NUB1: variants seen among roughly 807,000 people sequenced by gnomAD.
NUB1 encodes the protein NEDD8 ultimate buster 1.
In NUB1, 41 loss-of-function variants were observed where a neutral mutation model predicts 77.1. The observed-to-expected ratio is 0.53, with a 90% CI of 0.41 to 0.69. NUB1 has a LOEUF of 0.69. Ranked by LOEUF, NUB1 falls within the 30% of genes least tolerant of loss-of-function variation. The pLI is 0.00. For synonymous variants in NUB1, 257 were observed against 281.0 expected (o/e 0.91, Z 0.85); for missense variants, 643 against 743.8 (o/e 0.86, Z 1.58).
At chr7:151,376,477 G>A (rs1250622962) in intron 13 of NUB1, 157 bp from the exon 14 acceptor site, 2 of 706,994 alleles carry the variant, frequency 2.8e-6, no homozygotes, top group African/African-American at 1.8e-5. Flanking sequence ...GTTGCTCTAC[G>A]CTCACATTGC....
chr7:151,368,728 T>C lies in NUB1; in HGVS notation c.1096-7T>C, dbSNP rs1308315173. 6.3e-7 allele frequency: 1 copy of C among 1,596,110 alleles called. No homozygotes were observed. Among genetic ancestry groups the C allele is most frequent in the Non-Finnish European group, 8.5e-7 (1 of 1,171,344 alleles). ...GTTACATGATTCTTACATTTCCCTG[T>C]CTCTAGGCACGTCAGCTCTTTAAAG... On this transcript the variant is annotated splice_region_variant and splice_polypyrimidine_tract_variant and intron_variant, in intron 10 of 14. Coordinates refer to ENST00000568733, the MANE Select transcript of NUB1 (RefSeq NM_001243351.2).
Position 151,354,805 on chromosome 7 carries a change from C to T in NUB1, c.416-963C>T, listed in dbSNP as rs541645146. Among the ~76,000 whole-genome samples, 3 of 152,270 alleles carry T rather than the reference C, an allele frequency of 2.0e-5. No individual in the cohort carries two copies. In the East Asian group the frequency reaches 5.8e-4, roughly 29 times the overall value. The stretch of plus-strand genomic sequence containing the variant: ...GTCACCCAGGCTGGAGTGTGGTGTG[C>T]GATTGCAGCTCACTGCAGCCTCCAC... On this transcript the variant is annotated intron_variant, in intron 5 of 14. Coordinates refer to ENST00000568733, the MANE Select transcript of NUB1 (RefSeq NM_001243351.2).
rs770271564 is a variant in NUB1 at position 151,352,811 on chromosome 7, G to A, written c.345-1G>A. On this transcript the variant is annotated splice_acceptor_variant, in intron 4 of 14. Coordinates refer to ENST00000568733, the MANE Select transcript of NUB1 (RefSeq NM_001243351.2). LOFTEE classifies it high-confidence loss of function. Reference sequence around the variant, plus strand: ...CAATTTTCACTGGTTTTATTTTACAGAATAGCTGAAACCTTTGGACTTCAA... The same window carrying A: ...CAATTTTCACTGGTTTTATTTTACAAAATAGCTGAAACCTTTGGACTTCAA... 6.6e-7 allele frequency: 1 copy of A among 1,520,528 alleles called. No individual in the cohort carries two copies. The highest frequency in any genetic ancestry group is 2.3e-5 in the East Asian group (1 of 44,216). 94.2% of individuals were successfully genotyped at this position (1,520,528 alleles called of 1,614,324 possible). A position where few individuals can be genotyped will look rare whatever the true frequency, so the allele number is the denominator to read the frequency against.
In NUB1 at chr7:151,368,817, C is replaced by A; in HGVS notation, c.1178C>A (p.Ala393Asp). 6.2e-7 allele frequency: 1 copy of A among 1,614,026 alleles called. No homozygotes were observed. The highest frequency in any genetic ancestry group is 1.3e-5 in the African/African-American group (1 of 75,060). ...CAGTTGGGGTTTACTGCCCAGGAAG[C>A]CCGGCTTGGCCTGAGGGCGTGTGAT... ...LLQLGFTAQEARLGLRACDGN... is the reference protein window; with the variant it reads ...LLQLGFTAQEDRLGLRACDGN... The change falls in exon 11 of 15, where the codon GCC (alanine) becomes GAC (aspartate). Residue 393 changes from alanine to aspartate, a missense_variant. Coordinates refer to ENST00000568733, the MANE Select transcript of NUB1 (RefSeq NM_001243351.2).
At chr7:151,363,453 T>TAAA (rs34455667) in intron 8 of NUB1, among the ~76,000 whole-genome samples, 64 of 140,600 alleles carry the variant, frequency 4.6e-4, no homozygotes, top group African/African-American at 1.4e-3. Context: ...GAGAAAAGGC[T>TAAA]AAAAAAAAAA....
At chr7:151,370,693 C>G (rs1797915987) in intron 11 of NUB1, among the ~76,000 whole-genome samples, 1 of 128,078 alleles carries the variant, frequency 7.8e-6, no homozygotes, top group African/African-American at 3.0e-5. Context: ...TCCCTCCCCC[C>G]TCCCCCCACC....
intron 12 of NUB1, among the ~76,000 whole-genome samples, chr7:151,375,042 G>T (rs1474500659): frequency 6.6e-6 from 1 of 150,438 alleles, no homozygotes; most frequent in Non-Finnish European, 1.5e-5. Flanking sequence ...ACAGAGATGG[G>T]GTTGGAGGGG....
chr7:151,348,996 G>A, intron 2 of NUB1, 77 bp from the exon 3 acceptor site: 1 of 1,351,014 alleles, frequency 7.4e-7, no homozygotes, highest in South Asian at 1.3e-5. Flanking sequence ...GATGGCCTTA[G>A]AGTCTTTCAT....
chr7:151,375,525 G>A (rs1002299181), intron 12 of NUB1, among the ~76,000 whole-genome samples: 1 of 152,208 alleles, frequency 6.6e-6, no homozygotes, highest in Non-Finnish European at 1.5e-5. Flanking sequence ...CAATCAGGCA[G>A]CCCTGAGCTG....
chr7:151,371,595 A>G (rs1797961370), intron 11 of NUB1, among the ~76,000 whole-genome samples: 1 of 152,104 alleles, frequency 6.6e-6, no homozygotes, highest in Non-Finnish European at 1.5e-5. Flanking sequence ...CACCTCAGGG[A>G]GGGGTAGAAT....
chr7:151,367,207 C>A, intron 9 of NUB1, 82 bp downstream of exon 9: 1 of 1,130,464 alleles, frequency 8.8e-7, no homozygotes, highest in Non-Finnish European at 1.3e-6. Flanking sequence ...ATTTGAACTA[C>A]TGCCAGAAGG....
At position 151,356,150 on chromosome 7, in the gene NUB1, A is replaced by G; in HGVS notation, c.621A>G (p.Pro207=). The change falls in exon 7 of 15, where the codon CCA becomes CCG. Residue 207 remains proline (P), a synonymous_variant. Coordinates refer to ENST00000568733, the MANE Select transcript of NUB1 (RefSeq NM_001243351.2). The stretch of plus-strand genomic sequence containing the variant: ...CAGCAGCAGAGACAGTGGTGGATCC[A>G]GAAATGACACCGTACTTAGACATAG... ...AKRAAETVVD[P]EMTPYLDIAN... 1 of 1,613,938 alleles carries G rather than the reference A, an allele frequency of 6.2e-7. No homozygotes were observed. Among genetic ancestry groups the G allele is most frequent in the Non-Finnish European group, 8.5e-7 (1 of 1,179,796 alleles).
rs750067194 is a variant in NUB1 at position 151,377,682 on chromosome 7, A to G, written c.*457A>G. 1.3e-5 allele frequency: 2 copies of G among 152,682 alleles called. No individual in the cohort carries two copies. The highest frequency in any genetic ancestry group is 2.4e-5 in the African/African-American group (1 of 41,424). 9.5% of individuals were successfully genotyped at this position (152,682 alleles called of 1,614,324 possible). ...GCTGCCATCTCTGCCAGGGTGCCAC[A>G]TGGGTTCCTGTGCCACCCTTTCCCC... On this transcript the variant is annotated 3_prime_UTR_variant, in exon 15 of 15. Transcript: ENST00000568733.
At chr7:151,360,275 C>G in intron 8 of NUB1, 28 bp downstream of exon 8, 1 of 1,276,436 alleles carries the variant, frequency 7.8e-7, no homozygotes, top group South Asian at 1.2e-5. Flanking sequence ...TGGTGAACAC[C>G]AGCTTTAAGG....
intron 12 of NUB1, chr7:151,374,487 C>G (rs1224496030): frequency 5.0e-6 from 3 of 597,178 alleles, no homozygotes; most frequent in Non-Finnish European, 9.0e-6. Flanking sequence ...CACACCAGCA[C>G]AGTCCACAGG....
At chr7:151,361,166 A>G (rs1797364181) in intron 8 of NUB1, 1 of 152,196 alleles carries the variant, frequency 6.6e-6, no homozygotes, top group Admixed American at 6.5e-5. Context: ...TTTGTATAGG[A>G]AAGTTAGAAT....
In NUB1 at chr7:151,374,254, C is replaced by T. The variant is rs1798100914; in HGVS notation, c.1395+11C>T. On this transcript the variant is annotated intron_variant, in intron 12 of 14. Coordinates refer to ENST00000568733, the MANE Select transcript of NUB1 (RefSeq NM_001243351.2). Reference sequence around the variant, plus strand: ...GATGAGGCCCTGAAGGTAGCAGCTCCCTCGGGGCCTCTGGCCTTGTCCCTG... The same window carrying T: ...GATGAGGCCCTGAAGGTAGCAGCTCTCTCGGGGCCTCTGGCCTTGTCCCTG... The T allele has an allele frequency of 3.2e-6, 5 of 1,551,696 alleles. No homozygotes were observed. The highest frequency in any genetic ancestry group is 4.4e-6 in the Non-Finnish European group (5 of 1,147,362).
At position 151,345,437 on chromosome 7, in the gene NUB1, G is replaced by T; in HGVS notation, c.88G>T (p.Glu30Ter). 1 of 1,602,890 alleles carries T rather than the reference G, an allele frequency of 6.2e-7. No homozygotes were observed. The highest frequency in any genetic ancestry group is 8.5e-7 in the Non-Finnish European group (1 of 1,175,390). The change falls in exon 2 of 15, where the codon GAA (glutamate) becomes TAA (stop). Residue 30 changes from glutamate to a stop codon, truncating the protein, a stop_gained. Coordinates refer to ENST00000568733, the MANE Select transcript of NUB1 (RefSeq NM_001243351.2). LOFTEE classifies it high-confidence loss of function. ...ACTTTGGAAACCTCCATATACAGATGAAAATAAAAAAGTTGGTTTGGCATT... is the reference window on the plus strand; with the variant it reads ...ACTTTGGAAACCTCCATATACAGATTAAAATAAAAAAGTTGGTTTGGCATT... Reference protein sequence around the residue: ...IQLWKPPYTDENKKVGLALKD... With the variant: ...IQLWKPPYTD
intron 1 of NUB1, among the ~76,000 whole-genome samples, chr7:151,343,967 G>C (rs544001575): frequency 4.0e-5 from 6 of 151,794 alleles, no homozygotes; most frequent in Non-Finnish European, 5.9e-5. Flanking sequence ...GGATCACAAG[G>C]TCAGGAGATT....
Sources: allele counts gnomAD v4.1 joint callset (sites outside exome capture counted in the v4.1 genomes callset), GRCh38; gene constraint gnomAD v4.1.1; transcripts MANE v1.5; gene names NCBI Gene and HGNC (gene_info 2026-07-23, HGNC 2026-07-21).